The following WDR26 variants were observed in gnomAD, a reference collection of about 807,000 sequenced individuals.
WDR26 encodes the protein WD repeat domain 26.
Under a neutral mutation model 84.1 loss-of-function variants are expected in WDR26, and 5 were observed. That is an observed-to-expected ratio of 0.06 (90% CI 0.03 to 0.13). WDR26 has a LOEUF of 0.13. Among genes scored for constraint, WDR26 ranks in the 10% least tolerant of loss-of-function variants. WDR26 has a pLI of 1.00. For missense variants in WDR26, 642 were observed against 974.9 expected (o/e 0.66, Z 4.55); for synonymous variants, 415 against 389.6 (o/e 1.07, Z -0.77).
At chr1:224,426,042 G>C (rs1674200838) in intron 3 of WDR26, among the ~76,000 whole-genome samples, 1 of 152,052 alleles carries the variant, frequency 6.6e-6, no homozygotes, top group Non-Finnish European at 1.5e-5. Context: ...ATTTTTAGTA[G>C]AGACAGGGTT....
Position 224,418,202 on chromosome 1 carries a change from A to G in WDR26, c.1319+58T>C. ...CTACAGGATAAGACTCTAAAAAAGA[A>G]AACTAAAATTTTGTAAAATGTTAGG... On this transcript the variant is annotated intron_variant, in intron 6 of 13. Transcript: ENST00000414423. 2.0e-6 allele frequency: 3 copies of G among 1,488,454 alleles called. No homozygotes were observed. In the South Asian group the frequency reaches 4.0e-5, roughly 20 times the overall value. 92.2% of individuals were successfully genotyped at this position (1,488,454 alleles called of 1,614,324 possible). A position where few individuals can be genotyped will look rare whatever the true frequency, so the allele number is the denominator to read the frequency against.
intron 7 of WDR26, among the ~76,000 whole-genome samples, chr1:224,405,908 A>G (rs1315398448): frequency 6.6e-6 from 1 of 152,204 alleles, no homozygotes; most frequent in Non-Finnish European, 1.5e-5. Context: ...TTAGGAAGAG[A>G]ACTAGGATAA....
Position 224,431,781 on chromosome 1 carries a change from G to A in WDR26, c.723C>T (p.Asn241=), listed in dbSNP as rs1262005469. ...CTTGCATGAGGAGATCAACAGTCTG[G>A]CTGCAGGAAAGATACAGTGTAAAAC... Residue 241 remains asparagine, a splice_region_variant and synonymous_variant, in exon 2 of 14, where the codon AAC becomes AAT. Transcript: ENST00000414423. The A allele has an allele frequency of 6.2e-7, 1 of 1,607,354 alleles. No individual in the cohort carries two copies. Among genetic ancestry groups the A allele is most frequent in the Non-Finnish European group, 8.5e-7 (1 of 1,174,984 alleles).
chr1:224,395,984 C>T (rs1673249383), intron 12 of WDR26, among the ~76,000 whole-genome samples: 1 of 152,094 alleles, frequency 6.6e-6, no homozygotes, highest in African/African-American at 2.4e-5. Context: ...TATACTGGCA[C>T]TTATATATTT....
chr1:224,423,371 T>A (rs1674119188), intron 4 of WDR26, among the ~76,000 whole-genome samples: 1 of 152,246 alleles, frequency 6.6e-6, no homozygotes, highest in African/African-American at 2.4e-5. Context: ...GAGTTTTCAT[T>A]AATGCCCTTT....
At chr1:224,423,643 G>A (rs540336491) in intron 4 of WDR26, among the ~76,000 whole-genome samples, 27 of 152,342 alleles carry the variant, frequency 1.8e-4, no homozygotes, top group South Asian at 1.0e-3. Flanking sequence ...ACCTACTTAG[G>A]AGGGTGAGGC....
chr1:224,434,236 G>A lies in WDR26; in HGVS notation c.170C>T (p.Ser57Leu), dbSNP rs1464989866. Reference sequence around the variant, plus strand: ...GGAGGAGGAGGAGGAGGACGAGGACGACGAGGACGGAGGGGAGAGGCCTGC... The same window carrying A: ...GGAGGAGGAGGAGGAGGACGAGGACAACGAGGACGGAGGGGAGAGGCCTGC... The change falls in exon 1 of 14, where the codon TCG (serine) becomes TTG (leucine). Residue 57 changes from serine to leucine, a missense_variant. Ser to Leu is a moderately radical substitution (Grantham distance 145). This residue lies in a region of WDR26 where 291 missense variants were observed against 302.1 expected (regional missense o/e 0.96). Coordinates refer to ENST00000414423, the MANE Select transcript of WDR26 (RefSeq NM_001379403.1). 29 of 1,382,920 alleles carry A rather than the reference G, an allele frequency of 2.1e-5. No homozygotes were observed. The East Asian group carries it at 6.1e-4, about 29-fold the overall frequency. The allele number at this position is 1,382,920 out of a possible 1,614,324, so 85.7% of individuals were successfully genotyped here.
In WDR26 at chr1:224,434,314, G is replaced by A. The variant is rs917772127; in HGVS notation, c.92C>T (p.Pro31Leu). ...TACTCCCTCCGCCGCCGAGGCTCGG[G>A]GTTTCTTCCGCGGGGGCGGGGAGGC... Residue 31 changes from proline (P) to leucine (L), a missense_variant, in exon 1 of 14, where the codon CCC becomes CTC. Transcript: ENST00000414423. 1.6e-6 allele frequency: 2 copies of A among 1,232,938 alleles called. No individual in the cohort carries two copies. The highest frequency in any genetic ancestry group is 6.3e-5 in the East Asian group (2 of 31,730). 76.4% of individuals were successfully genotyped at this position (1,232,938 alleles called of 1,614,324 possible).
chr1:224,432,770 G>T, intron 1 of WDR26, among the ~76,000 whole-genome samples: 1 of 152,092 alleles, frequency 6.6e-6, no homozygotes, highest in East Asian at 1.9e-4. Flanking sequence ...GCTGCTGCAC[G>T]TCCTCCCCCC....
chr1:224,400,598 T>C (rs573455317), intron 9 of WDR26, among the ~76,000 whole-genome samples: 4 of 152,278 alleles, frequency 2.6e-5, no homozygotes, highest in African/African-American at 9.6e-5. Context: ...CAGGCTGGAG[T>C]GCAATGGCGC....
intron 12 of WDR26, among the ~76,000 whole-genome samples, chr1:224,396,838 C>T (rs938952479): frequency 4.6e-5 from 7 of 152,044 alleles, no homozygotes; most frequent in Non-Finnish European, 8.8e-5. Flanking sequence ...GAGGGAAGGA[C>T]TGCTTGAGCC....
chr1:224,400,974 A>C lies in WDR26; in HGVS notation c.1695T>G (p.Gly565=), dbSNP rs1359403700. The C allele has an allele frequency of 3.1e-6, 5 of 1,613,916 alleles. No individual in the cohort carries two copies. Among genetic ancestry groups the C allele is most frequent in the Middle Eastern group, 1.6e-4 (1 of 6,084 alleles). Residue 565 remains glycine, a synonymous_variant, in exon 9 of 14, where the codon GGT becomes GGG. Coordinates refer to ENST00000414423, the MANE Select transcript of WDR26 (RefSeq NM_001379403.1). ...CACACTGATAGAACTGCCCACGCTG[A>C]CCTCCAGTCACAAAGCGCTTCCCAT...
chr1:224,424,542 G>A lies in WDR26; in HGVS notation c.1040C>T (p.Thr347Ile). Residue 347 changes from threonine to isoleucine, a missense_variant, in exon 4 of 14, where the codon ACA becomes ATA. Thr to Ile is a moderately conservative substitution (Grantham distance 89, BLOSUM62 -1). This residue lies in a region of WDR26 where 351 missense variants were observed against 672.8 expected (regional missense o/e 0.52). Transcript: ENST00000414423. ...CCCACTAAGAACATGAATGCGCTCT[G>A]TATTGTATTTCAGCGGCGTCAATTC... is the stretch of plus-strand genomic sequence containing the variant. 1 of 1,614,040 alleles carries A rather than the reference G, an allele frequency of 6.2e-7. No individual in the cohort carries two copies.
chr1:224,394,531 G>C (rs527351773), intron 12 of WDR26, among the ~76,000 whole-genome samples: 17 of 150,616 alleles, frequency 1.1e-4, no homozygotes, highest in African/African-American at 4.2e-4. Context: ...TTGAGACGGA[G>C]TCTCACTCTG....
chr1:224,407,151 A>AAAAAAAAGAATATATATATAT, intron 7 of WDR26, among the ~76,000 whole-genome samples: 7 of 11,876 alleles, frequency 5.9e-4, no homozygotes, highest in Non-Finnish European at 9.8e-4. Flanking sequence ...AAAAAAAAAA[A>AAAAAAAAGAATATATATATAT]ATATATATAT....
At chr1:224,399,861 C>T (rs913018430) in intron 9 of WDR26, among the ~76,000 whole-genome samples, 1 of 152,100 alleles carries the variant, frequency 6.6e-6, no homozygotes, top group Non-Finnish European at 1.5e-5. Context: ...AATCCCAGCA[C>T]GTTGGGAGGC....
In WDR26 at chr1:224,389,557, T is replaced by G; in HGVS notation, c.*278A>C. 3.7e-6 allele frequency: 2 copies of G among 538,616 alleles called. No homozygotes were observed. The highest frequency in any genetic ancestry group is 6.4e-6 in the Non-Finnish European group (2 of 311,160). The allele number at this position is 538,616 out of a possible 1,614,324, so 33.4% of individuals were successfully genotyped here. A position where few individuals can be genotyped will look rare whatever the true frequency, so the allele number is the denominator to read the frequency against. On this transcript the variant is annotated 3_prime_UTR_variant, in exon 14 of 14. Transcript: ENST00000414423. Reference sequence around the variant, plus strand: ...GAAGGAAAAAAATATATATACTGAGTTCAATGGGTAAGCCTGAATGTAGCA... The same window carrying G: ...GAAGGAAAAAAATATATATACTGAGGTCAATGGGTAAGCCTGAATGTAGCA...
At position 224,420,496 on chromosome 1, in the gene WDR26, G is replaced by C. The variant is rs150428826; in HGVS notation, c.1065-881C>G. 4.9e-4 allele frequency among the ~76,000 whole-genome samples: 75 copies of C among 152,228 alleles called. 2 individuals are homozygous for C. The East Asian group carries it at 0.013, about 25-fold the overall frequency. On this transcript the variant is annotated intron_variant, in intron 4 of 13. Coordinates refer to ENST00000414423, the MANE Select transcript of WDR26 (RefSeq NM_001379403.1). ...AAAAGAATATTAAATAGGGTAATGA[G>C]GATTCTTGAAGATGAAGCATTTTAA...
chr1:224,391,363 CAAAAA>C (rs869213487), intron 13 of WDR26, among the ~76,000 whole-genome samples: 15 of 89,144 alleles, frequency 1.7e-4, no homozygotes, highest in African/African-American at 6.8e-4. Context: ...AACTCTGTCT[CAAAAA>C]AAAAAAAAAA....
Sources: gnomAD v4.1 joint callset for allele counts (sites outside exome capture counted in the v4.1 genomes callset) on GRCh38, gnomAD v4.1.1 for gene constraint, gnomAD v4.1.1 regional missense constraint, MANE v1.5 for transcripts, NCBI Gene and HGNC (gene_info 2026-07-23, HGNC 2026-07-21) for gene names.